Variants in RYR3 observed in about 807,000 individuals in gnomAD.
RYR3 encodes brain ryanodine receptor-calcium release channel.
A neutral mutation model predicts 584.3 loss-of-function variants in RYR3; 207 were observed. The ratio of observed to expected loss-of-function variants is 0.35; its 90% CI spans 0.32 to 0.40. The LOEUF is 0.40. Ranked by LOEUF, RYR3 falls within the 10% of genes least tolerant of loss-of-function variation. The pLI is 1.00. For synonymous variants in RYR3, 2,416 were observed against 2,248.5 expected, an observed-to-expected ratio of 1.07 and a Z score of -2.11; for missense variants, 5,616 against 6,089.2, an observed-to-expected ratio of 0.92 and a Z score of 2.59.
rs2057487833 is a variant in RYR3, at chr15:33,562,888, G to C, written c.1024G>C (p.Gly342Arg). ...TCACAAGCGAGACATAGAAGGCATG[G>C]GAGTTCCAGAAATCAAGTATGGAGA... ...SSHKRDIEGM[G>R]VPEIKYGDSV... Residue 342 changes from glycine to arginine, a missense_variant, in exon 11 of 104, where the codon GGA becomes CGA. Gly to Arg is a moderately radical substitution (Grantham distance 125). Transcript: ENST00000634891. The C allele has an allele frequency of 6.2e-7, 1 of 1,613,284 alleles. No individual in the cohort carries two copies. Among genetic ancestry groups the C allele is most frequent in the Non-Finnish European group, 8.5e-7 (1 of 1,179,414 alleles).
At chr15:33,355,071 C>T (rs1973778069) in intron 1 of RYR3, among the ~76,000 whole-genome samples, 1 of 151,638 alleles carries the variant, frequency 6.6e-6, no homozygotes, top group Non-Finnish European at 1.5e-5. Context: ...GTAATCCCTG[C>T]TACTCAGGAG....
At chr15:33,359,392 T>C (rs2140993491) in intron 1 of RYR3, among the ~76,000 whole-genome samples, 1 of 152,280 alleles carries the variant, frequency 6.6e-6, no homozygotes, top group South Asian at 2.1e-4. Context: ...CTTCCTCCCT[T>C]GGCTTCAGCC....
At chr15:33,363,202 C>T (rs1975012708) in intron 1 of RYR3, among the ~76,000 whole-genome samples, 1 of 152,172 alleles carries the variant, frequency 6.6e-6, no homozygotes, top group Non-Finnish European at 1.5e-5. Context: ...CTCTTTTTCT[C>T]TCTCTTTTCA....
intron 60 of RYR3, among the ~76,000 whole-genome samples, chr15:33,763,892 C>CAAAAAAAAAAAAAAAAAAA (rs796878162): frequency 2.2e-5 from 1 of 45,872 alleles, no homozygotes; most frequent in African/African-American, 9.0e-5. Context: ...GACTTCATCT[C>CAAAAAAAAAAAAAAAAAAA]AAAAAAAAAA....
intron 24 of RYR3, 79 bp from the exon 25 acceptor site, chr15:33,634,507 G>T: frequency 6.8e-7 from 1 of 1,470,946 alleles, no homozygotes; most frequent in East Asian, 2.3e-5. Context: ...CAGGACTGTT[G>T]CTGGGAATAT....
intron 47 of RYR3, 36 bp downstream of exon 47, chr15:33,729,062 A>G: frequency 6.3e-7 from 1 of 1,581,510 alleles, no homozygotes; most frequent in Non-Finnish European, 8.6e-7. Flanking sequence ...TATTGTTCCC[A>G]TCATTGTGAA....
intron 81 of RYR3, 113 bp from the exon 82 acceptor site, chr15:33,825,490 A>G: frequency 1.5e-6 from 1 of 667,728 alleles, no homozygotes. Context: ...GTGTTAGTTT[A>G]TTTACGATAA....
At chr15:33,780,087 C>G (rs2074290391) in intron 64 of RYR3, 124 bp from the exon 65 acceptor site, 1 of 1,107,574 alleles carries the variant, frequency 9.0e-7, no homozygotes, top group East Asian at 2.5e-5. Flanking sequence ...GAAGTGCATG[C>G]AAGCTTGCTG....
Position 33,848,370 on chromosome 15 carries a change from C to A in RYR3, c.13577C>A (p.Pro4526Gln), listed in dbSNP as rs2078856979. Residue 4526 changes from proline (P) to glutamine (Q), a missense_variant, in exon 94 of 104, where the codon CCA becomes CAA. Pro to Gln is a moderately conservative substitution (Grantham distance 76). This residue lies in a region of RYR3 where 918 missense variants were observed against 887.4 expected (regional missense o/e 1.03). Coordinates refer to ENST00000634891, the MANE Select transcript of RYR3 (RefSeq NM_001036.6). ...GATGGCCTATATATCACCGAACAGC[C>A]ATCTGAAGATGACATCAAGGGGCAG... ...EFDGLYITEQ[P>Q]SEDDIKGQWD... is the part of the protein sequence containing the mutation. The A allele has an allele frequency of 6.2e-7, 1 of 1,613,612 alleles. No homozygotes were observed. The highest frequency in any genetic ancestry group is 1.7e-5 in the Admixed American group (1 of 59,988).
chr15:33,664,641 T>C (rs1388184855), intron 36 of RYR3, among the ~76,000 whole-genome samples: 1 of 108,734 alleles, frequency 9.2e-6, no homozygotes, highest in Non-Finnish European at 1.9e-5. Context: ...GCGAGGGAGA[T>C]GCAAAATGTA....
chr15:33,721,349 C>A (rs191467764), intron 43 of RYR3, among the ~76,000 whole-genome samples: 1 of 152,318 alleles, frequency 6.6e-6, no homozygotes, highest in Non-Finnish European at 1.5e-5. Context: ...CATGGGAGAT[C>A]CCAAGGCAGG....
chr15:33,658,081 A>G (rs1242031413), intron 32 of RYR3, among the ~76,000 whole-genome samples: 1 of 152,218 alleles, frequency 6.6e-6, no homozygotes, highest in Non-Finnish European at 1.5e-5. Flanking sequence ...TTAAAATAGC[A>G]TATATTTATT....
At chr15:33,791,844 T>C (rs1327520454) in intron 67 of RYR3, among the ~76,000 whole-genome samples, 1 of 151,822 alleles carries the variant, frequency 6.6e-6, no homozygotes, top group African/African-American at 2.4e-5. Flanking sequence ...GGACAGAAAA[T>C]AGAAAGCCTA....
chr15:33,857,169 ACTG>A (rs1397670005), intron 98 of RYR3, among the ~76,000 whole-genome samples: 4 of 152,072 alleles, frequency 2.6e-5, no homozygotes, highest in Admixed American at 2.0e-4. Context: ...AGTACTACAG[ACTG>A]CTATTTTGTT....
chr15:33,820,717 A>G (rs774450046), intron 77 of RYR3, 39 bp from the exon 78 acceptor site: 1 of 1,551,950 alleles, frequency 6.4e-7, no homozygotes, highest in Non-Finnish European at 8.8e-7. Context: ...CTTTAATTTG[A>G]TTGTCTGTCT....
intron 39 of RYR3, among the ~76,000 whole-genome samples, chr15:33,696,900 G>A (rs1566971147): frequency 6.6e-6 from 1 of 152,202 alleles, no homozygotes; most frequent in Non-Finnish European, 1.5e-5. Flanking sequence ...CTAACCTAGA[G>A]TCGTTTTTGT....
intron 1 of RYR3, among the ~76,000 whole-genome samples, chr15:33,396,094 G>T (rs374340020): frequency 1.3e-5 from 2 of 152,064 alleles, no homozygotes; most frequent in African/African-American, 4.8e-5. Flanking sequence ...GATTCATGCC[G>T]GTGACTTTTC....
chr15:33,314,294 T>A (rs557013192), intron 1 of RYR3, among the ~76,000 whole-genome samples: 1 of 152,200 alleles, frequency 6.6e-6, no homozygotes, highest in Admixed American at 6.5e-5. Context: ...TCTCTTCCGA[T>A]TGCTCTTGCT....
intron 1 of RYR3, among the ~76,000 whole-genome samples, chr15:33,314,645 T>G (rs528195047): frequency 9.6e-4 from 147 of 152,340 alleles, no homozygotes; most frequent in African/African-American, 3.4e-3. Context: ...CCAGGCGCGG[T>G]GGCTCACGCC....
Sources: gnomAD v4.1 joint callset for allele counts (sites outside exome capture counted in the v4.1 genomes callset) on GRCh38, gnomAD v4.1.1 for gene constraint, gnomAD v4.1.1 regional missense constraint, MANE v1.5 for transcripts, NCBI Gene and HGNC (gene_info 2026-07-23, HGNC 2026-07-21) for gene names.